The following PCDHA11 variants were observed in gnomAD, a reference collection of about 807,000 sequenced individuals.
PCDHA11 encodes protocadherin alpha 11, also known as protocadherin alpha-11.
Under a neutral mutation model 70.3 loss-of-function variants are expected in PCDHA11, and 61 were observed. The ratio of observed to expected loss-of-function variants is 0.87; its 90% CI spans 0.71 to 1.07. The LOEUF (loss-of-function observed/expected upper bound fraction) is 1.07. Among genes scored for constraint, PCDHA11 ranks in the 50% least tolerant of loss-of-function variants. The pLI is 0.00. For synonymous variants in PCDHA11, 633 were observed against 555.1 expected (o/e 1.14, Z -1.97); for missense variants, 1,324 against 1,237.5 (o/e 1.07, Z -1.05).
intron 1 of PCDHA11, among the ~76,000 whole-genome samples, chr5:140,933,721 C>G (rs957167505): frequency 6.6e-6 from 1 of 151,982 alleles, no homozygotes; most frequent in Non-Finnish European, 1.5e-5. Flanking sequence ...ATTGGTGATA[C>G]AGCTTTCTTA....
chr5:140,979,303 C>T (rs1048294748), intron 2 of PCDHA11, among the ~76,000 whole-genome samples: 5 of 152,148 alleles, frequency 3.3e-5, no homozygotes, highest in East Asian at 3.8e-4. Context: ...CTCCTTCATC[C>T]CTCTCTACCT....
chr5:140,917,778 G>A (rs1271229686), intron 1 of PCDHA11, among the ~76,000 whole-genome samples: 4 of 152,218 alleles, frequency 2.6e-5, no homozygotes, highest in African/African-American at 9.6e-5. Flanking sequence ...TTAGTACCAT[G>A]TTGTTTTGGT....
intron 3 of PCDHA11, among the ~76,000 whole-genome samples, chr5:141,003,690 T>C (rs1441506131): frequency 2.0e-5 from 3 of 152,232 alleles, no homozygotes; most frequent in African/African-American, 7.2e-5. Flanking sequence ...TTTTAAAATA[T>C]ATCCCTACCA....
At chr5:140,954,844 C>T (rs1195160424) in intron 1 of PCDHA11, among the ~76,000 whole-genome samples, 1 of 152,070 alleles carries the variant, frequency 6.6e-6, no homozygotes, top group African/African-American at 2.4e-5. Flanking sequence ...GAAATCTTTG[C>T]CTGTGCCTAT....
intron 1 of PCDHA11, among the ~76,000 whole-genome samples, chr5:140,924,043 G>C (rs2081638586): frequency 6.6e-6 from 1 of 152,176 alleles, no homozygotes; most frequent in Non-Finnish European, 1.5e-5. Flanking sequence ...AGACCTAAAA[G>C]TTCGGTACAT....
In PCDHA11 at chr5:141,010,888, T is replaced by C. The variant is rs1419215366; in HGVS notation, c.*951T>C. The stretch of plus-strand genomic sequence containing the variant: ...AGCTATAAATCTTTAAAGAGAAATA[T>C]GAATACAATTCCCCTAAACTCTCCT... On this transcript the variant is annotated 3_prime_UTR_variant, in exon 4 of 4. Transcript: ENST00000398640. The C allele has an allele frequency of 3.9e-5, 6 of 153,866 alleles. 1 individual carries two copies. The highest frequency in any genetic ancestry group is 1.4e-4 in the African/African-American group (6 of 41,562). The allele number at this position is 153,866 out of a possible 1,614,324, so 9.5% of individuals were successfully genotyped here. A position where few individuals can be genotyped will look rare whatever the true frequency, so the allele number is the denominator to read the frequency against.
chr5:141,011,997 A>G lies in PCDHA11; in HGVS notation c.*2060A>G, dbSNP rs2098422641. ...TGTCTACTTTTAGCTTCATTCTCCCATATTTTGAAGGGTGTGTAACTTCAG... is the reference window on the plus strand; with the variant it reads ...TGTCTACTTTTAGCTTCATTCTCCCGTATTTTGAAGGGTGTGTAACTTCAG... On this transcript the variant is annotated 3_prime_UTR_variant, in exon 4 of 4. Coordinates refer to ENST00000398640, the MANE Select transcript of PCDHA11 (RefSeq NM_018902.5). 1 of 153,712 alleles carries G rather than the reference A, an allele frequency of 6.5e-6. No homozygotes were observed. Among genetic ancestry groups the G allele is most frequent in the Non-Finnish European group, 1.5e-5 (1 of 68,034 alleles). 9.5% of individuals were successfully genotyped at this position (153,712 alleles called of 1,614,324 possible).
intron 1 of PCDHA11, among the ~76,000 whole-genome samples, chr5:140,892,835 A>G (rs2063695508): frequency 6.6e-6 from 1 of 152,200 alleles, no homozygotes. Context: ...ACAGTGCTGC[A>G]AAACACCACA....
intron 1 of PCDHA11, chr5:140,967,457 G>A: frequency 6.2e-7 from 1 of 1,613,614 alleles, no homozygotes; most frequent in Non-Finnish European, 8.5e-7. Context: ...CACAGCCGTG[G>A]ATGGGGGCAT....
intron 3 of PCDHA11, among the ~76,000 whole-genome samples, chr5:140,993,787 A>AT (rs1554253947): frequency 6.6e-6 from 1 of 152,196 alleles, no homozygotes; most frequent in Non-Finnish European, 1.5e-5. Context: ...GTACAGTAAC[A>AT]TGCTGTGCAG....
At chr5:140,973,472 T>C (rs572763440) in intron 1 of PCDHA11, among the ~76,000 whole-genome samples, 3 of 152,220 alleles carry the variant, frequency 2.0e-5, no homozygotes, top group Non-Finnish European at 4.4e-5. Flanking sequence ...AGTTTGCAAA[T>C]TTCATATTGG....
At chr5:140,984,433 T>C (rs2097103477) in intron 3 of PCDHA11, among the ~76,000 whole-genome samples, 1 of 152,182 alleles carries the variant, frequency 6.6e-6, no homozygotes, top group East Asian at 1.9e-4. Flanking sequence ...GAAGGGGATC[T>C]CCCTTGTTCC....
chr5:140,910,055 T>A (rs1554194090), intron 1 of PCDHA11, among the ~76,000 whole-genome samples: 1 of 152,218 alleles, frequency 6.6e-6, no homozygotes, highest in Non-Finnish European at 1.5e-5. Flanking sequence ...TAATAAGTGA[T>A]CTTTTAACAG....
In PCDHA11 at chr5:140,870,834, C is replaced by G; in HGVS notation, c.1731C>G (p.Asn577Lys). The change falls in exon 1 of 4, where the codon AAC (asparagine) becomes AAG (lysine). Residue 577 changes from asparagine (N) to lysine (K), a missense_variant. Coordinates refer to ENST00000398640, the MANE Select transcript of PCDHA11 (RefSeq NM_018902.5). ...CTGGCAGCGCGGGAGGCGCAGTTAACAAGCTAGTACCGCGGTCGGTGGGTG... is the reference window on the plus strand; with the variant it reads ...CTGGCAGCGCGGGAGGCGCAGTTAAGAAGCTAGTACCGCGGTCGGTGGGTG... ...TQAGSAGGAV[N>K]KLVPRSVGAG... 6.2e-7 allele frequency: 1 copy of G among 1,613,806 alleles called. No individual in the cohort carries two copies. Among genetic ancestry groups the G allele is most frequent in the Non-Finnish European group, 8.5e-7 (1 of 1,179,892 alleles).
At chr5:140,930,644 A>G (rs1346561903) in intron 1 of PCDHA11, among the ~76,000 whole-genome samples, 1 of 152,198 alleles carries the variant, frequency 6.6e-6, no homozygotes, top group East Asian at 1.9e-4. Context: ...AGGAAGGAAA[A>G]TGAAGCATTC....
chr5:140,966,859 G>A, intron 1 of PCDHA11: 1 of 1,577,136 alleles, frequency 6.3e-7, no homozygotes. Flanking sequence ...TCCTGCTGCT[G>A]TTGCTGCTGC....
At chr5:140,954,864 G>A (rs2095103058) in intron 1 of PCDHA11, among the ~76,000 whole-genome samples, 1 of 152,074 alleles carries the variant, frequency 6.6e-6, no homozygotes, top group Admixed American at 6.5e-5. Context: ...TGTCCTGAAT[G>A]GTATTGCCTA....
At chr5:140,937,020 G>A (rs2091265832) in intron 1 of PCDHA11, among the ~76,000 whole-genome samples, 1 of 151,388 alleles carries the variant, frequency 6.6e-6, no homozygotes. Flanking sequence ...CGATTAACAA[G>A]GTATATTCTT....
intron 1 of PCDHA11, among the ~76,000 whole-genome samples, chr5:140,952,641 G>T (rs1033672347): frequency 1.3e-5 from 2 of 152,102 alleles, no homozygotes; most frequent in Non-Finnish European, 2.9e-5. Flanking sequence ...TCCAACCTGT[G>T]CCTGGTTACC....
Sources: gnomAD v4.1 joint callset for allele counts (sites outside exome capture counted in the v4.1 genomes callset) on GRCh38, gnomAD v4.1.1 for gene constraint, MANE v1.5 for transcripts, NCBI Gene and HGNC (gene_info 2026-07-23, HGNC 2026-07-21) for gene names.